LRRIQ1: variants seen among roughly 807,000 people sequenced by gnomAD.
The protein encoded by LRRIQ1 is leucine rich repeats and IQ motif containing 1.
Under a neutral mutation model 211.9 loss-of-function variants are expected in LRRIQ1, and 210 were observed. That is an observed-to-expected ratio of 0.99 (90% confidence interval 0.89 to 1.11). LRRIQ1 has a LOEUF of 1.11. Among genes scored for constraint, LRRIQ1 ranks in the 50% most tolerant of loss-of-function variants. LRRIQ1 has a pLI of 0.00. For missense variants in LRRIQ1, 2,136 were observed against 1,939.5 expected (o/e 1.10, Z -1.90); for synonymous variants, 699 against 650.1 (o/e 1.08, Z -1.14).
In LRRIQ1 at chr12:85,160,726, T is replaced by A. The variant is rs777862897; in HGVS notation, c.4822+12T>A. 1 of 1,453,738 alleles carries A rather than the reference T, an allele frequency of 6.9e-7. No homozygotes were observed. Among genetic ancestry groups the A allele is most frequent in the Non-Finnish European group, 9.6e-7 (1 of 1,046,202 alleles). 90.1% of individuals were successfully genotyped at this position (1,453,738 alleles called of 1,614,324 possible). On this transcript the variant is annotated intron_variant, in intron 24 of 26. Transcript: ENST00000393217. ...TGGTTACTTTGAAGGTATGGCTTAA[T>A]AACAGATACATAGAGAGGTAAAAAG...
rs1895658392 is a variant in LRRIQ1 at position 85,245,096 on chromosome 12, C to T, written c.*155C>T. On this transcript the variant is annotated 3_prime_UTR_variant, in exon 27 of 27. Coordinates refer to ENST00000393217, the MANE Select transcript of LRRIQ1 (RefSeq NM_001079910.2). ...TGATATAAACAAAATTAAATTATTT[C>T]TAAAATTAACTGCATCAGTTTTTAT... The T allele has an allele frequency of 8.2e-7, 1 of 1,219,108 alleles. No individual in the cohort carries two copies. Among genetic ancestry groups the T allele is most frequent in the South Asian group, 2.0e-5 (1 of 49,904 alleles). The allele number at this position is 1,219,108 out of a possible 1,614,324, so 75.5% of individuals were successfully genotyped here. A position where few individuals can be genotyped will look rare whatever the true frequency, so the allele number is the denominator to read the frequency against.
At chr12:85,048,911 A>C (rs1404108374) in intron 6 of LRRIQ1, among the ~76,000 whole-genome samples, 1 of 152,186 alleles carries the variant, frequency 6.6e-6, no homozygotes, top group East Asian at 1.9e-4. Flanking sequence ...TTTTATAACC[A>C]AAATTTGCTG....
intron 24 of LRRIQ1, among the ~76,000 whole-genome samples, chr12:85,228,775 C>CT (rs927175139): frequency 3.3e-5 from 5 of 152,118 alleles, no homozygotes; most frequent in Non-Finnish European, 7.4e-5. Flanking sequence ...AATATGTAGA[C>CT]TTTTTATGTA....
In LRRIQ1 at chr12:85,214,913, A is replaced by G. The variant is rs189958402; in HGVS notation, c.4823-14604A>G. Among the ~76,000 whole-genome samples, 12 of 152,292 alleles carry G rather than the reference A, an allele frequency of 7.9e-5. No individual in the cohort carries two copies. The East Asian group carries it at 1.9e-3, about 24-fold the overall frequency. On this transcript the variant is annotated intron_variant, in intron 24 of 26. Transcript: ENST00000393217. The stretch of plus-strand genomic sequence containing the variant: ...ATAATAGTAGTGAAACAGCAGCTAC[A>G]TGGAGAAGGTATTTGCTACACAAAC...
chr12:85,152,167 A>G (rs914581928), intron 19 of LRRIQ1, 113 bp from the exon 20 acceptor site: 1 of 786,504 alleles, frequency 1.3e-6, no homozygotes, highest in African/African-American at 1.8e-5. Context: ...ATTTCCTGTA[A>G]ATAAAAATTC....
In LRRIQ1 at chr12:85,152,280, G is replaced by C. The variant is rs760277099; in HGVS notation, c.4330G>C (p.Ala1444Pro). The C allele has an allele frequency of 3.7e-6, 6 of 1,605,048 alleles. No individual in the cohort carries two copies. In the Admixed American group the frequency reaches 6.8e-5, roughly 18 times the overall value. ...ATACATTTTAATATTATTTGTGCAG[G>C]CTGCCTTAGAAGAAGAATGGCTAGC... ...IDLEDFIFDE[A>P]ALEEEWLALD... Residue 1444 changes from alanine to proline, a missense_variant and splice_region_variant, in exon 20 of 27, where the codon GCT becomes CCT. Ala to Pro is a conservative substitution (Grantham distance 27). Coordinates refer to ENST00000393217, the MANE Select transcript of LRRIQ1 (RefSeq NM_001079910.2).
intron 24 of LRRIQ1, among the ~76,000 whole-genome samples, chr12:85,192,547 A>G (rs1427860386): frequency 8.2e-6 from 1 of 121,438 alleles, no homozygotes; most frequent in Non-Finnish European, 1.6e-5. Context: ...ATAAATATAT[A>G]TAGTTATATA....
At chr12:85,186,931 A>C (rs534557301) in intron 24 of LRRIQ1, among the ~76,000 whole-genome samples, 18 of 152,188 alleles carry the variant, frequency 1.2e-4, no homozygotes, top group Admixed American at 3.9e-4. Context: ...TATATTTTAA[A>C]CTGCCTTAAA....
intron 26 of LRRIQ1, among the ~76,000 whole-genome samples, chr12:85,243,687 A>G (rs1895577819): frequency 6.6e-6 from 1 of 151,596 alleles, no homozygotes; most frequent in African/African-American, 2.4e-5. Context: ...GACCAAATAA[A>G]CAGGGAAAAT....
intron 11 of LRRIQ1, among the ~76,000 whole-genome samples, chr12:85,087,582 T>C (rs1884959325): frequency 6.6e-6 from 1 of 152,220 alleles, no homozygotes; most frequent in African/African-American, 2.4e-5. Context: ...TGTTCCTGTT[T>C]CTCCACATCC....
intron 2 of LRRIQ1, 96 bp from the exon 3 acceptor site, chr12:85,040,394 G>T: frequency 1.8e-6 from 1 of 558,274 alleles, no homozygotes; most frequent in East Asian, 2.9e-5. Flanking sequence ...TACATGTTTT[G>T]GTCACATTTT....
intron 24 of LRRIQ1, among the ~76,000 whole-genome samples, chr12:85,213,775 A>G (rs1565907351): frequency 6.6e-6 from 1 of 152,038 alleles, no homozygotes; most frequent in Non-Finnish European, 1.5e-5. Context: ...AACAATAACA[A>G]AAACACCACA....
rs190032114 is a variant in LRRIQ1 at position 85,151,475 on chromosome 12, T to A, written c.4330-805T>A. Among the ~76,000 whole-genome samples the A allele has an allele frequency of 5.9e-3, 899 of 151,746 alleles. 14 individuals carry two copies. Among genetic ancestry groups the A allele is most frequent in the African/African-American group, 0.02 (843 of 41,474 alleles). On this transcript the variant is annotated intron_variant, in intron 19 of 26. Transcript: ENST00000393217. Reference sequence around the variant, plus strand: ...ATTTTACAACCTTTTTTAAAAAAAATTGGTATTCTAAGCATCTTTTTTCCC... The same window carrying A: ...ATTTTACAACCTTTTTTAAAAAAAAATGGTATTCTAAGCATCTTTTTTCCC...
At chr12:85,098,059 G>T (rs1309536777) in intron 11 of LRRIQ1, among the ~76,000 whole-genome samples, 1 of 152,020 alleles carries the variant, frequency 6.6e-6, no homozygotes, top group African/African-American at 2.4e-5. Context: ...TCTCTCCCTT[G>T]TTTTGTTCTT....
At chr12:85,227,249 G>T (rs956786991) in intron 24 of LRRIQ1, among the ~76,000 whole-genome samples, 7 of 151,992 alleles carry the variant, frequency 4.6e-5, no homozygotes, top group Non-Finnish European at 8.8e-5. Flanking sequence ...GGTGTGAGAT[G>T]GTATCTCATT....
chr12:85,060,115 T>C (rs1224091656), intron 8 of LRRIQ1, among the ~76,000 whole-genome samples: 4 of 151,874 alleles, frequency 2.6e-5, no homozygotes, highest in Non-Finnish European at 5.9e-5. Flanking sequence ...ATCTATTATA[T>C]AGGATCACTG....
intron 24 of LRRIQ1, among the ~76,000 whole-genome samples, chr12:85,212,734 A>G (rs1893894735): frequency 6.7e-6 from 1 of 149,936 alleles, no homozygotes; most frequent in Non-Finnish European, 1.5e-5. Flanking sequence ...TATGTTCCAT[A>G]AATATATGGA....
Position 85,232,712 on chromosome 12 carries a change from G to A in LRRIQ1, c.4972G>A (p.Glu1658Lys). ...ACTATGCAGCAATCACTTTTTGCCT[G>A]AGTTAGATCCAGATGTACTTAATGG... is the stretch of plus-strand genomic sequence containing the variant. ...RNMKCNHFLP[E>K]LDPDVLNGGR... is the part of the protein sequence containing the mutation. Residue 1658 changes from glutamate (E) to lysine (K), a missense_variant, in exon 26 of 27, where the codon GAG (glutamate) becomes AAG (lysine). Physicochemically the swap from Glu to Lys is moderately conservative, Grantham distance 56. Transcript: ENST00000393217. 1 of 1,612,066 alleles carries A rather than the reference G, an allele frequency of 6.2e-7. No individual in the cohort carries two copies. The highest frequency in any genetic ancestry group is 8.5e-7 in the Non-Finnish European group (1 of 1,178,962).
At chr12:85,079,229 A>G (rs1006463923) in intron 11 of LRRIQ1, among the ~76,000 whole-genome samples, 1 of 149,584 alleles carries the variant, frequency 6.7e-6, no homozygotes, top group African/African-American at 2.5e-5. Flanking sequence ...TAGTGTTCAC[A>G]TGATGTATCT....
Sources: allele counts gnomAD v4.1 joint callset (sites outside exome capture counted in the v4.1 genomes callset), GRCh38; gene constraint gnomAD v4.1.1; transcripts MANE v1.5; gene names NCBI Gene and HGNC (gene_info 2026-07-23, HGNC 2026-07-21).